The following TBX15 variants were observed in gnomAD, a reference collection of about 807,000 sequenced individuals.
TBX15 encodes the protein T-box transcription factor 15.
TBX15 carries 18 observed loss-of-function variants against 53.9 expected under a neutral mutation model. That is an observed-to-expected ratio of 0.33 (90% CI 0.23 to 0.49). TBX15 has a LOEUF of 0.49. Ranked by LOEUF, TBX15 falls within the 20% of genes least tolerant of loss-of-function variation. TBX15 has a pLI of 0.98. For missense variants in TBX15, 692 were observed against 749.5 expected (o/e 0.92, Z 0.90); for synonymous variants, 295 against 278.0 (o/e 1.06, Z -0.61).
At chr1:118,907,868 G>T (rs1654890944) in intron 6 of TBX15, among the ~76,000 whole-genome samples, 1 of 152,104 alleles carries the variant, frequency 6.6e-6, no homozygotes, top group Non-Finnish European at 1.5e-5. Context: ...CTTTCCTGAA[G>T]CTCGCAGGCA....
At chr1:118,973,890 G>C (rs548453517) in intron 1 of TBX15, among the ~76,000 whole-genome samples, 10 of 152,258 alleles carry the variant, frequency 6.6e-5, no homozygotes, top group African/African-American at 2.4e-4. Flanking sequence ...CTACCACCCA[G>C]TCAGAATATC....
chr1:118,944,521 C>T (rs887386297), intron 1 of TBX15, among the ~76,000 whole-genome samples: 1 of 152,206 alleles, frequency 6.6e-6, no homozygotes, highest in African/African-American at 2.4e-5. Flanking sequence ...AGACAGTGTC[C>T]TTCAAGTGTG....
intron 7 of TBX15, chr1:118,891,057 CTG>C: frequency 1.9e-6 from 1 of 524,464 alleles, no homozygotes; most frequent in Non-Finnish European, 2.9e-6. Context: ...GAGCACAGCA[CTG>C]TTCATCTCAA....
At chr1:118,934,476 A>T (rs1655899238) in intron 1 of TBX15, among the ~76,000 whole-genome samples, 2 of 152,222 alleles carry the variant, frequency 1.3e-5, no homozygotes, top group African/African-American at 4.8e-5. Flanking sequence ...TACCATGCAG[A>T]TAATTAGAAA....
At chr1:118,981,337 C>CAA (rs1557909323) in intron 1 of TBX15, among the ~76,000 whole-genome samples, 1 of 147,090 alleles carries the variant, frequency 6.8e-6, no homozygotes, top group East Asian at 2.1e-4. Context: ...CACACACACA[C>CAA]ACAATGGCAG....
intron 1 of TBX15, among the ~76,000 whole-genome samples, chr1:118,938,935 C>T (rs1042917235): frequency 6.6e-5 from 10 of 152,076 alleles, no homozygotes; most frequent in Non-Finnish European, 1.3e-4. Flanking sequence ...ATGTTCATTG[C>T]TGTACTATTC....
At position 118,884,588 on chromosome 1, in the gene TBX15, G is replaced by A. The variant is rs190281538; in HGVS notation, c.*144C>T. ...GCTTAAAGGTATCTCTTGTTCTTGG[G>A]TATATGTCTTCGGCCAGAAAAAAAA... is the stretch of plus-strand genomic sequence containing the variant. On this transcript the variant is annotated 3_prime_UTR_variant, in exon 8 of 8. Transcript: ENST00000369429. 577 of 973,700 alleles carry A rather than the reference G, an allele frequency of 5.9e-4. 3 individuals carry two copies. Among genetic ancestry groups the A allele is most frequent in the East Asian group, 1.2e-3 (46 of 37,822 alleles). 60.3% of individuals were successfully genotyped at this position (973,700 alleles called of 1,614,324 possible).
At chr1:118,914,518 T>G (rs1186371175) in intron 5 of TBX15, among the ~76,000 whole-genome samples, 1 of 152,158 alleles carries the variant, frequency 6.6e-6, no homozygotes, top group South Asian at 2.1e-4. Context: ...CCATGGTACA[T>G]GACACACGGG....
chr1:118,945,065 G>A (rs1180975251), intron 1 of TBX15, among the ~76,000 whole-genome samples: 1 of 152,194 alleles, frequency 6.6e-6, no homozygotes, highest in East Asian at 1.9e-4. Context: ...GCAATACGTA[G>A]CAGGGGAAAG....
chr1:118,888,796 A>T (rs936343568), intron 7 of TBX15, among the ~76,000 whole-genome samples: 7 of 152,178 alleles, frequency 4.6e-5, no homozygotes, highest in African/African-American at 1.7e-4. Flanking sequence ...CTAGCCCTGC[A>T]GCAGGAAGTG....
At chr1:118,893,131 C>T (rs1372928744) in intron 7 of TBX15, among the ~76,000 whole-genome samples, 1 of 151,572 alleles carries the variant, frequency 6.6e-6, no homozygotes, top group East Asian at 1.9e-4. Flanking sequence ...CCCAGCTACT[C>T]AGGAGGCTGA....
chr1:118,970,242 A>T (rs1298726938), intron 1 of TBX15, among the ~76,000 whole-genome samples: 2 of 152,216 alleles, frequency 1.3e-5, no homozygotes, highest in African/African-American at 4.8e-5. Flanking sequence ...ATGGACTAGT[A>T]CAGCCTCCTT....
intron 1 of TBX15, among the ~76,000 whole-genome samples, chr1:118,979,821 C>G (rs2101051501): frequency 6.6e-6 from 1 of 152,274 alleles, no homozygotes; most frequent in Non-Finnish European, 1.5e-5. Context: ...CCCGGGCGCA[C>G]GCGGCGCGAT....
At chr1:118,915,668 C>A (rs1247566879) in intron 5 of TBX15, among the ~76,000 whole-genome samples, 1 of 152,178 alleles carries the variant, frequency 6.6e-6, no homozygotes, top group Non-Finnish European at 1.5e-5. Context: ...AAAATCAGTT[C>A]TTTCTTCCTC....
intron 5 of TBX15, 103 bp from the exon 6 acceptor site, chr1:118,914,282 C>A: frequency 9.1e-7 from 1 of 1,096,336 alleles, no homozygotes; most frequent in Non-Finnish European, 1.4e-6. Context: ...ACAGTTGTTG[C>A]TTTTATTTAA....
rs1293887845 is a variant in TBX15, at chr1:118,987,680, C to T, written c.116G>A (p.Gly39Glu). 1 of 1,550,394 alleles carries T rather than the reference C, an allele frequency of 6.4e-7. No individual in the cohort carries two copies. Among genetic ancestry groups the T allele is most frequent in the South Asian group, 1.2e-5 (1 of 84,064 alleles). The change falls in exon 1 of 8, where the codon GGG becomes GAG. Residue 39 changes from glycine to glutamate, a missense_variant. Coordinates refer to ENST00000369429, the MANE Select transcript of TBX15 (RefSeq NM_001330677.2). ...CAGCGCCTCCATAGACAGGTCCAGC[C>T]CCTTCTCCTCCCAGTCTCGCAGTTT... ...KRKLRDWEEK[G>E]LDLSMEALSP...
chr1:118,941,191 T>C (rs1466827450), intron 1 of TBX15, among the ~76,000 whole-genome samples: 1 of 152,166 alleles, frequency 6.6e-6, no homozygotes, highest in Non-Finnish European at 1.5e-5. Context: ...GTATCTGCCA[T>C]TATGGTCTTT....
intron 7 of TBX15, chr1:118,890,994 A>G: frequency 8.0e-7 from 1 of 1,249,424 alleles, no homozygotes; most frequent in South Asian, 1.3e-5. Context: ...GTAAAATATC[A>G]GCACCCTATA....
At chr1:118,904,937 A>G (rs1199693130) in intron 6 of TBX15, among the ~76,000 whole-genome samples, 1 of 152,224 alleles carries the variant, frequency 6.6e-6, no homozygotes, top group Non-Finnish European at 1.5e-5. Context: ...AAGTCTGCCT[A>G]TCTGTAAAAT....
Sources: gnomAD v4.1 joint callset for allele counts (sites outside exome capture counted in the v4.1 genomes callset) on GRCh38, gnomAD v4.1.1 for gene constraint, MANE v1.5 for transcripts, NCBI Gene and HGNC (gene_info 2026-07-23, HGNC 2026-07-21) for gene names.